Variants in NOTUM observed in about 807,000 individuals in gnomAD.
NOTUM encodes the protein notum, palmitoleoyl-protein carboxylesterase, also known as palmitoleoyl-protein carboxylesterase NOTUM.
Under a neutral mutation model 65.5 loss-of-function variants are expected in NOTUM, and 36 were observed. The observed-to-expected ratio is 0.55, with a 90% CI of 0.42 to 0.73. The LOEUF (loss-of-function observed/expected upper bound fraction) is 0.73, where lower values mean the gene tolerates loss of function less well. Among genes scored for constraint, NOTUM ranks in the 30% least tolerant of loss-of-function variants. The pLI is 0.00. For missense variants in NOTUM, 659 were observed against 694.2 expected (o/e 0.95, Z 0.57); for synonymous variants, 356 against 297.9 (o/e 1.20, Z -2.01).
chr17:81,958,766 C>T (rs1009314820), intron 4 of NOTUM, among the ~76,000 whole-genome samples, 169 bp downstream of exon 4: 1 of 151,940 alleles, frequency 6.6e-6, no homozygotes, highest in South Asian at 2.1e-4. Flanking sequence ...CTCCCCACCA[C>T]GAAAGAAACA....
In NOTUM at chr17:81,952,833, C is replaced by A; in HGVS notation, c.*128G>T. On this transcript the variant is annotated 3_prime_UTR_variant, in exon 11 of 11. Coordinates refer to ENST00000409678, the MANE Select transcript of NOTUM (RefSeq NM_178493.6). ...CGGGGCAGGAGGGCAGTGGGCAGAC[C>A]CAGACAGGGGGGACGGCTGGGGCCC... The A allele has an allele frequency of 1.2e-6, 1 of 837,728 alleles. No homozygotes were observed. Among genetic ancestry groups the A allele is most frequent in the Non-Finnish European group, 1.9e-6 (1 of 521,636 alleles). The allele number at this position is 837,728 out of a possible 1,614,324, so 51.9% of individuals were successfully genotyped here.
At chr17:81,955,830 C>G (rs2041428973) in intron 8 of NOTUM, among the ~76,000 whole-genome samples, 2 of 139,422 alleles carry the variant, frequency 1.4e-5, no homozygotes, top group Admixed American at 1.4e-4. Context: ...CAGTGCCCCC[C>G]ATCCCAGGCT....
rs780812322 is a variant in NOTUM at position 81,956,903 on chromosome 17, C to T, written c.867G>A (p.Glu289=). 1.2e-6 allele frequency: 2 copies of T among 1,611,566 alleles called. No homozygotes were observed. Among genetic ancestry groups the T allele is most frequent in the South Asian group, 1.1e-5 (1 of 91,062 alleles). Reference sequence around the variant, plus strand: ...GGCACCTGATGCCACGGCGGATGGCCTCCGTGGGCGCGCACGTGATCGTGT... The same window carrying T: ...GGCACCTGATGCCACGGCGGATGGCTTCCGTGGGCGCGCACGTGATCGTGT... ...CVDTITCAPT[E]AIRRGIRYWN... is the part of the protein sequence containing the mutation. Residue 289 remains glutamate, a synonymous_variant, in exon 7 of 11, where the codon GAG becomes GAA. Coordinates refer to ENST00000409678, the MANE Select transcript of NOTUM (RefSeq NM_178493.6).
intron 9 of NOTUM, among the ~76,000 whole-genome samples, chr17:81,954,950 T>C (rs2143940957): frequency 8.8e-6 from 1 of 113,308 alleles, no homozygotes; most frequent in Admixed American, 8.5e-5. Flanking sequence ...TCTCTCTCTC[T>C]CTCTCTCTCC....
rs770345813 is a variant in NOTUM, at chr17:81,953,178, C to T, written c.1274G>A (p.Ser425Asn). 5.0e-6 allele frequency: 8 copies of T among 1,613,162 alleles called. No homozygotes were observed. In the South Asian group the frequency reaches 7.7e-5, roughly 16 times the overall value. ...GGGGCAGCCCTTGAGGGGGGTCTTG[C>T]TGGCCTTGTGGCTGTCATGGAGGCT... Reference protein sequence around the residue: ...DRSLHDSHKASKTPLKGCPVH... With the variant: ...DRSLHDSHKANKTPLKGCPVH... The change falls in exon 11 of 11, where the codon AGC becomes AAC. Residue 425 changes from serine (S) to asparagine (N), a missense_variant. Physicochemically the swap from Ser to Asn is conservative, Grantham distance 46 (BLOSUM62 1). Coordinates refer to ENST00000409678, the MANE Select transcript of NOTUM (RefSeq NM_178493.6).
intron 4 of NOTUM, among the ~76,000 whole-genome samples, chr17:81,958,722 C>T (rs1477434457): frequency 1.3e-5 from 2 of 151,370 alleles, no homozygotes; most frequent in African/African-American, 2.4e-5. Context: ...TAGACCCCTC[C>T]CCACCAGGAA....
In NOTUM at chr17:81,961,071, G is replaced by T; in HGVS notation, c.-162C>A. ...CGGGCCTGGCGGAGAAGGCGCGCGC[G>T]GCTCGGCGTCGAGGCGCTCGGGGCC... On this transcript the variant is annotated 5_prime_UTR_variant, in exon 1 of 11. Transcript: ENST00000409678. The T allele has an allele frequency of 5.0e-6, 1 of 198,838 alleles. No homozygotes were observed. The highest frequency in any genetic ancestry group is 9.2e-6 in the Non-Finnish European group (1 of 108,694). 12.3% of individuals were successfully genotyped at this position (198,838 alleles called of 1,614,324 possible).
At chr17:81,955,102 CTT>C (rs749665023) in intron 9 of NOTUM, among the ~76,000 whole-genome samples, 233 of 152,278 alleles carry the variant, frequency 1.5e-3, no homozygotes, top group Non-Finnish European at 2.6e-3. Flanking sequence ...GCCTCAGCCT[CTT>C]GAGTAGCTGG....
chr17:81,954,343 C>A, intron 9 of NOTUM, 40 bp from the exon 10 acceptor site: 1 of 1,533,132 alleles, frequency 6.5e-7, no homozygotes, highest in Non-Finnish European at 9.0e-7. Flanking sequence ...CTCCTTACCC[C>A]CTCAGCCCCT....
At position 81,960,681 on chromosome 17, in the gene NOTUM, G is replaced by A. The variant is rs779788695; in HGVS notation, c.229C>T (p.Leu77=). ...AGCTGCTGCGCGGAGCAGGGGTACA[G>A]GGACTGCGCCAGGCTCTTGACTTGC... The part of the protein sequence containing the change: ...MAQVKSLAQS[L]YPCSAQQLNE... Residue 77 remains leucine, a synonymous_variant, in exon 1 of 11, where the codon CTG becomes TTG. Transcript: ENST00000409678. The surrounding 1 kb of genome is among the most constrained non-coding windows in gnomAD (Gnocchi z 6.4). The A allele has an allele frequency of 6.9e-6, 11 of 1,599,978 alleles. No homozygotes were observed. The highest frequency in any genetic ancestry group is 9.4e-6 in the Non-Finnish European group (11 of 1,174,054).
chr17:81,957,989 G>A (rs1322076958), intron 5 of NOTUM, 81 bp from the exon 6 acceptor site: 1 of 1,020,278 alleles, frequency 9.8e-7, no homozygotes, highest in Non-Finnish European at 1.5e-6. Flanking sequence ...TGGCAGAGAA[G>A]TTCTTGCCCC....
rs1264612506 is a variant in NOTUM at position 81,960,546 on chromosome 17, C to A, written c.323+41G>T. On this transcript the variant is annotated intron_variant, in intron 1 of 10. Transcript: ENST00000409678. This position sits in a 1 kb window ranked among gnomAD's most constrained non-coding sequence, Gnocchi z 6.4. Reference sequence around the variant, plus strand: ...AGGGAAGGTCCAGCCGGAGACCGGGCGCGTCGGGCGGGGCGGGGAGGTGCA... The same window carrying A: ...AGGGAAGGTCCAGCCGGAGACCGGGAGCGTCGGGCGGGGCGGGGAGGTGCA... 5 of 1,345,810 alleles carry A rather than the reference C, an allele frequency of 3.7e-6. No individual in the cohort carries two copies. The highest frequency in any genetic ancestry group is 2.8e-5 in the East Asian group (1 of 35,942). 83.4% of individuals were successfully genotyped at this position (1,345,810 alleles called of 1,614,324 possible). A position where few individuals can be genotyped will look rare whatever the true frequency, so the allele number is the denominator to read the frequency against.
Position 81,958,809 on chromosome 17 carries a change from A to C in NOTUM, c.533+126T>G, listed in dbSNP as rs575802295. On this transcript the variant is annotated intron_variant, in intron 4 of 10. Transcript: ENST00000409678. The stretch of plus-strand genomic sequence containing the variant: ...AACCCCTCTAGGACAGGACCTCCCC[A>C]AAAGAACCATCCAGAACAGGACCCC... The C allele has an allele frequency of 7.0e-4, 508 of 728,718 alleles. 3 individuals carry two copies. In the African/African-American group the frequency reaches 8.1e-3, roughly 12 times the overall value. 45.1% of individuals were successfully genotyped at this position (728,718 alleles called of 1,614,324 possible).
At chr17:81,953,451 G>C (rs753492730) in intron 10 of NOTUM, among the ~76,000 whole-genome samples, 184 bp from the exon 11 acceptor site, 5 of 151,428 alleles carry the variant, frequency 3.3e-5, no homozygotes, top group East Asian at 3.9e-4. Flanking sequence ...GTGTGCCACC[G>C]AGACTGGCTA....
At chr17:81,959,429 G>A (rs1297653178) in intron 3 of NOTUM, 42 bp downstream of exon 3, 21 of 1,456,700 alleles carry the variant, frequency 1.4e-5, no homozygotes, top group East Asian at 9.9e-5. Context: ...GCTTCCTCCC[G>A]GGCCTCACGT....
At position 81,953,069 on chromosome 17, in the gene NOTUM, C is replaced by A; in HGVS notation, c.1383G>T (p.Met461Ile). 1.9e-6 allele frequency: 3 copies of A among 1,614,018 alleles called. No individual in the cohort carries two copies. Among genetic ancestry groups the A allele is most frequent in the Non-Finnish European group, 2.5e-6 (3 of 1,179,940 alleles). The change falls in exon 11 of 11, where the codon ATG becomes ATT. Residue 461 changes from methionine (M) to isoleucine (I), a missense_variant. By Grantham distance (10) the Met-to-Ile change is conservative. Transcript: ENST00000409678. ...TVRDQFTGQEMNVAQFLMHMG... is the reference protein window; with the variant it reads ...TVRDQFTGQEINVAQFLMHMG... ...TGTGCATGAGGAACTGGGCCACGTT[C>A]ATCTCTTGCCCCGTGAACTGGTCTC...
rs112585565 is a variant in NOTUM at position 81,958,868 on chromosome 17, G to A, written c.533+67C>T. The A allele has an allele frequency of 6.1e-5, 76 of 1,246,962 alleles. No individual in the cohort carries two copies. In the African/African-American group the frequency reaches 8.0e-4, roughly 13 times the overall value. The allele number at this position is 1,246,962 out of a possible 1,614,324, so 77.2% of individuals were successfully genotyped here. ...ACCATTTCAGAATATGACTTCCCAA[G>A]GAAGGACCCCCCGGGAAGAACCACC... On this transcript the variant is annotated intron_variant, in intron 4 of 10. Coordinates refer to ENST00000409678, the MANE Select transcript of NOTUM (RefSeq NM_178493.6).
rs770214661 is a variant in NOTUM, at chr17:81,960,735, C to A, written c.175G>T (p.Val59Leu). 6.2e-7 allele frequency: 1 copy of A among 1,600,698 alleles called. No individual in the cohort carries two copies. The highest frequency in any genetic ancestry group is 8.5e-7 in the Non-Finnish European group (1 of 1,174,490). ...VESFPLDFTA[V>L]EGNMDSFMAQ... is the part of the protein sequence containing the mutation. ...ATGAAGCTGTCCATGTTACCCTCCA[C>A]GGCCGTGAAGTCCAGCGGGAAGCTC... is the stretch of plus-strand genomic sequence containing the variant. Residue 59 changes from valine to leucine, a missense_variant, in exon 1 of 11, where the codon GTG becomes TTG. Physicochemically the swap from Val to Leu is conservative, Grantham distance 32. Coordinates refer to ENST00000409678, the MANE Select transcript of NOTUM (RefSeq NM_178493.6). This position sits in a 1 kb window ranked among gnomAD's most constrained non-coding sequence, Gnocchi z 6.4.
chr17:81,956,579 C>A lies in NOTUM; in HGVS notation c.988+71G>T, dbSNP rs1412940045. On this transcript the variant is annotated intron_variant, in intron 8 of 10. Coordinates refer to ENST00000409678, the MANE Select transcript of NOTUM (RefSeq NM_178493.6). ...CCAGCCCAGAAGACTGGAGTCCACG[C>A]TGGATTTTCAGAAGCAAGGAAGTGT... 2.7e-6 allele frequency: 3 copies of A among 1,093,756 alleles called. No homozygotes were observed. In the East Asian group the frequency reaches 7.5e-5, roughly 27 times the overall value. 67.8% of individuals were successfully genotyped at this position (1,093,756 alleles called of 1,614,324 possible). A position where few individuals can be genotyped will look rare whatever the true frequency, so the allele number is the denominator to read the frequency against.
Sources: allele counts gnomAD v4.1 joint callset (sites outside exome capture counted in the v4.1 genomes callset), GRCh38; gene constraint gnomAD v4.1.1; non-coding constraint Gnocchi (gnomAD v3.1); transcripts MANE v1.5; gene names NCBI Gene and HGNC (gene_info 2026-07-23, HGNC 2026-07-21).